DGLUCY: variants seen among roughly 807,000 people sequenced by gnomAD.
The protein encoded by DGLUCY is D-glutamate cyclase, mitochondrial.
A neutral mutation model predicts 58.5 loss-of-function variants in DGLUCY; 58 were observed. The ratio of observed to expected loss-of-function variants is 0.99; its 90% confidence interval spans 0.80 to 1.23. DGLUCY has a LOEUF of 1.23. DGLUCY is among the 50% of genes most tolerant of loss of function. DGLUCY has a pLI of 0.00. For missense variants in DGLUCY, 779 were observed against 784.7 expected, an observed-to-expected ratio of 0.99 and a Z score of 0.09; for synonymous variants, 325 against 314.1, an observed-to-expected ratio of 1.03 and a Z score of -0.37.
At chr14:91,142,020 ATTC>A (rs1049213496) in intron 1 of DGLUCY, among the ~76,000 whole-genome samples, 12 of 151,758 alleles carry the variant, frequency 7.9e-5, no homozygotes, top group African/African-American at 2.9e-4. Flanking sequence ...TAATTTTTGT[ATTC>A]TTAGTAGAGA....
chr14:91,141,594 C>T (rs1436671341), intron 1 of DGLUCY, among the ~76,000 whole-genome samples: 1 of 149,014 alleles, frequency 6.7e-6, no homozygotes, highest in East Asian at 2.0e-4. Context: ...ACTCTGTCGC[C>T]AGGCTGGAGT....
At chr14:91,157,087 A>ATGGG (rs2047665472) in intron 1 of DGLUCY, among the ~76,000 whole-genome samples, 2 of 146,892 alleles carry the variant, frequency 1.4e-5, no homozygotes, top group Non-Finnish European at 3.0e-5. Flanking sequence ...GGATGGATGG[A>ATGGG]TGGATGAATG....
chr14:91,148,686 C>T (rs1281625559), intron 1 of DGLUCY: 2 of 152,194 alleles, frequency 1.3e-5, no homozygotes, highest in Non-Finnish European at 2.9e-5. Flanking sequence ...TGGCTCATGC[C>T]TGTAACCCCA....
chr14:91,223,628 G>A, intron 13 of DGLUCY: 1 of 1,271,420 alleles, frequency 7.9e-7, no homozygotes, highest in South Asian at 1.2e-5. Flanking sequence ...ATTTTTGGAA[G>A]GAGGGGGGAT....
chr14:91,109,373 C>T (rs987984218), upstream of DGLUCY, among the ~76,000 whole-genome samples: 15 of 152,070 alleles, frequency 9.9e-5, no homozygotes, highest in Non-Finnish European at 1.9e-4. Flanking sequence ...CTTCACCTTT[C>T]AAGAAAGGTA....
intron 1 of DGLUCY, chr14:91,128,882 C>G (rs181170332): frequency 2.0e-5 from 3 of 151,956 alleles, no homozygotes; most frequent in Admixed American, 1.3e-4. Flanking sequence ...GGTTAGTTGG[C>G]CTGAGTCACA....
At chr14:91,169,875 C>A in intron 4 of DGLUCY, 128 bp from the exon 5 acceptor site, 1 of 946,768 alleles carries the variant, frequency 1.1e-6, no homozygotes, top group Non-Finnish European at 1.6e-6. Flanking sequence ...ATGCTCCCTA[C>A]CCTGGTGCCA....
rs577592651 is a variant in DGLUCY at position 91,200,047 on chromosome 14, T to C, written c.1444+142T>C. ...TTGGCTCACTGCAACCTCTGCCTCC[T>C]GGGTTCGAGCAATTCTTCTGCCTCA... On this transcript the variant is annotated intron_variant, in intron 11 of 13. Coordinates refer to ENST00000256324, the MANE Select transcript of DGLUCY (RefSeq NM_001102368.3). 85 of 1,057,114 alleles carry C rather than the reference T, an allele frequency of 8.0e-5. No homozygotes were observed. The African/African-American group carries it at 1.2e-3, about 14-fold the overall frequency. 65.5% of individuals were successfully genotyped at this position (1,057,114 alleles called of 1,614,324 possible). A position where few individuals can be genotyped will look rare whatever the true frequency, so the allele number is the denominator to read the frequency against.
chr14:91,093,909 C>T (rs962235073), intron 1 of DGLUCY, among the ~76,000 whole-genome samples: 5 of 151,824 alleles, frequency 3.3e-5, no homozygotes, highest in South Asian at 2.1e-4. Context: ...AAACAGGTGA[C>T]GCCATAGAGG....
At chr14:91,120,234 C>A (rs2045265852) in intron 1 of DGLUCY, among the ~76,000 whole-genome samples, 2 of 152,162 alleles carry the variant, frequency 1.3e-5, no homozygotes, top group South Asian at 4.1e-4. Flanking sequence ...TTCCTGACTT[C>A]TGGTGCTGAA....
chr14:91,211,255 C>T (rs539529075), intron 12 of DGLUCY, among the ~76,000 whole-genome samples: 1 of 152,290 alleles, frequency 6.6e-6, no homozygotes, highest in South Asian at 2.1e-4. Context: ...TGTCAGTTCT[C>T]CCAACTTGAT....
intron 10 of DGLUCY, among the ~76,000 whole-genome samples, chr14:91,199,292 C>A (rs1390646453): frequency 6.6e-6 from 1 of 151,040 alleles, no homozygotes; most frequent in Non-Finnish European, 1.5e-5. Flanking sequence ...CAGAGTCTTA[C>A]TCTGTCGCCC....
chr14:91,214,994 T>C (rs1468083227), intron 12 of DGLUCY, among the ~76,000 whole-genome samples: 1 of 151,850 alleles, frequency 6.6e-6, no homozygotes, highest in Admixed American at 6.6e-5. Context: ...TCTAAAAATA[T>C]AAAAATTAGC....
Position 91,181,401 on chromosome 14 carries a change from C to A in DGLUCY, c.934+12C>A. On this transcript the variant is annotated intron_variant, in intron 8 of 13. Coordinates refer to ENST00000256324, the MANE Select transcript of DGLUCY (RefSeq NM_001102368.3). ...CGGCATAGACCCAGGTAAGAAACAACACATTTGCTCGGCATAGACCCAGGT... is the reference window on the plus strand; with the variant it reads ...CGGCATAGACCCAGGTAAGAAACAAAACATTTGCTCGGCATAGACCCAGGT... The A allele has an allele frequency of 6.2e-7, 1 of 1,609,464 alleles. No homozygotes were observed. The highest frequency in any genetic ancestry group is 1.1e-5 in the South Asian group (1 of 91,008).
chr14:91,094,647 A>T (rs763967516), intron 1 of DGLUCY, among the ~76,000 whole-genome samples: 1 of 151,584 alleles, frequency 6.6e-6, no homozygotes, highest in African/African-American at 2.4e-5. Context: ...ACATGGTGAA[A>T]CCCCATCTCT....
At position 91,181,129 on chromosome 14, in the gene DGLUCY, G is replaced by A. The variant is rs919230201; in HGVS notation, c.731-57G>A. ...TGCCTATCAACAGTGGGCTAGATGA[G>A]GGTAGGCTGGACTTGATGAAGTGGC... On this transcript the variant is annotated intron_variant, in intron 7 of 13. Coordinates refer to ENST00000256324, the MANE Select transcript of DGLUCY (RefSeq NM_001102368.3). 19 of 1,544,348 alleles carry A rather than the reference G, an allele frequency of 1.2e-5. No homozygotes were observed. The African/African-American group carries it at 2.5e-4, about 20-fold the overall frequency.
At chr14:91,072,863 G>C (rs922913031) in intron 1 of DGLUCY, among the ~76,000 whole-genome samples, 2 of 151,948 alleles carry the variant, frequency 1.3e-5, no homozygotes, top group Non-Finnish European at 2.9e-5. Context: ...CAAAAAATTA[G>C]CTGGGCACGG....
chr14:91,201,353 C>G (rs1427248899), intron 11 of DGLUCY, among the ~76,000 whole-genome samples: 4 of 151,096 alleles, frequency 2.6e-5, no homozygotes, highest in African/African-American at 7.3e-5. Flanking sequence ...GTCTCAAATG[C>G]AGTGGCGCAA....
chr14:91,142,445 C>T (rs2046754367), intron 1 of DGLUCY, among the ~76,000 whole-genome samples: 1 of 152,026 alleles, frequency 6.6e-6, no homozygotes, highest in Non-Finnish European at 1.5e-5. Flanking sequence ...TGGGGTGGAC[C>T]AAATGCTGGG....
Sources: allele counts gnomAD v4.1 joint callset (sites outside exome capture counted in the v4.1 genomes callset), GRCh38; gene constraint gnomAD v4.1.1; transcripts MANE v1.5; gene names NCBI Gene and HGNC (gene_info 2026-07-23, HGNC 2026-07-21).